The following NFIA variants were observed in gnomAD, a reference collection of about 807,000 sequenced individuals.
The protein encoded by NFIA is nuclear factor 1 A-type.
In NFIA, 8 loss-of-function variants were observed where a neutral mutation model predicts 62.8. The ratio of observed to expected loss-of-function variants is 0.13; its 90% CI spans 0.07 to 0.23. The LOEUF is 0.23. Among genes scored for constraint, NFIA ranks in the 10% least tolerant of loss-of-function variants. NFIA has a pLI of 1.00. For missense variants in NFIA, 410 were observed against 642.1 expected, an observed-to-expected ratio of 0.64 and a Z score of 3.91; for synonymous variants, 235 against 238.1, an observed-to-expected ratio of 0.99 and a Z score of 0.12.
At chr1:61,123,460 C>A (rs545121904) in intron 2 of NFIA, among the ~76,000 whole-genome samples, 2 of 152,182 alleles carry the variant, frequency 1.3e-5, no homozygotes, top group Non-Finnish European at 2.9e-5. Context: ...CAAGTTTGCT[C>A]ATTTTGGCAT....
At chr1:61,120,130 G>GT (rs1359681798) in intron 2 of NFIA, among the ~76,000 whole-genome samples, 2 of 152,130 alleles carry the variant, frequency 1.3e-5, no homozygotes, top group African/African-American at 4.8e-5. Context: ...TTTAAATCTT[G>GT]TGGTGTACAC....
At chr1:61,262,568 T>TA (rs1413685568) in intron 2 of NFIA, among the ~76,000 whole-genome samples, 3 of 152,024 alleles carry the variant, frequency 2.0e-5, no homozygotes, top group African/African-American at 7.3e-5. Flanking sequence ...AGCATGAGTG[T>TA]AGTCAAGACT....
At chr1:61,452,378 GAA>G (rs1668096713) in intron 10 of NFIA, among the ~76,000 whole-genome samples, 1 of 152,080 alleles carries the variant, frequency 6.6e-6, no homozygotes, top group African/African-American at 2.4e-5. Context: ...TCCTGTTCTG[GAA>G]AACCTTGGTC....
At chr1:61,273,606 A>G (rs190867182) in intron 2 of NFIA, among the ~76,000 whole-genome samples, 8 of 152,294 alleles carry the variant, frequency 5.3e-5, no homozygotes, top group Non-Finnish European at 1.0e-4. Context: ...TCGTCTCTTC[A>G]GTTCAGCAGT....
At chr1:61,249,737 G>A (rs962137370) in intron 2 of NFIA, among the ~76,000 whole-genome samples, 4 of 152,122 alleles carry the variant, frequency 2.6e-5, no homozygotes, top group Non-Finnish European at 4.4e-5. Context: ...CCCGGGAGGC[G>A]GAGGTTGCAG....
At chr1:61,374,391 A>G (rs183419822) in intron 6 of NFIA, among the ~76,000 whole-genome samples, 1 of 152,238 alleles carries the variant, frequency 6.6e-6, no homozygotes, top group East Asian at 1.9e-4. Context: ...TTGTAAGTAT[A>G]TGGAGCATGT....
chr1:61,164,704 C>T lies in NFIA; in HGVS notation c.559+76024C>T, dbSNP rs1277880316. Reference sequence around the variant, plus strand: ...CTCAATCTCCTGACCTCATGATCTGCCCACCTCAGCCTCCCAAAGTGCTGG... The same window carrying T: ...CTCAATCTCCTGACCTCATGATCTGTCCACCTCAGCCTCCCAAAGTGCTGG... On this transcript the variant is annotated intron_variant, in intron 2 of 10. Transcript: ENST00000403491. Among the ~76,000 whole-genome samples the T allele has an allele frequency of 2.0e-5, 3 of 152,132 alleles. No homozygotes were observed. The East Asian group carries it at 5.8e-4, about 29-fold the overall frequency.
At chr1:61,169,356 C>T (rs1235212089) in intron 2 of NFIA, among the ~76,000 whole-genome samples, 1 of 152,164 alleles carries the variant, frequency 6.6e-6, no homozygotes, top group Non-Finnish European at 1.5e-5. Context: ...CAGGACACTT[C>T]TCACCCTGCA....
At chr1:61,184,693 G>T (rs766442436) in intron 2 of NFIA, among the ~76,000 whole-genome samples, 2 of 152,198 alleles carry the variant, frequency 1.3e-5, no homozygotes, top group Non-Finnish European at 2.9e-5. Context: ...ATTATTGTGT[G>T]ATAGGAGCCG....
intron 10 of NFIA, among the ~76,000 whole-genome samples, chr1:61,449,599 A>G (rs1019796052): frequency 6.6e-6 from 1 of 152,166 alleles, no homozygotes; most frequent in Non-Finnish European, 1.5e-5. Flanking sequence ...GGGAGAAAGC[A>G]TTTGGCTTTG....
intron 2 of NFIA, among the ~76,000 whole-genome samples, chr1:61,108,162 A>G (rs1646636604): frequency 6.6e-6 from 1 of 151,660 alleles, no homozygotes; most frequent in African/African-American, 2.4e-5. Context: ...TTACTTTGTC[A>G]AGTTTTGTGA....
At chr1:61,396,328 C>A (rs761325416) in intron 7 of NFIA, among the ~76,000 whole-genome samples, 2 of 152,136 alleles carry the variant, frequency 1.3e-5, no homozygotes, top group Non-Finnish European at 2.9e-5. Flanking sequence ...TCACTGCAGC[C>A]TCAAACTCCT....
chr1:61,387,721 G>A lies in NFIA; in HGVS notation c.1075+4356G>A, dbSNP rs1250663920. The stretch of plus-strand genomic sequence containing the variant: ...CTATCTTTGTTGTGCCTCACACAGT[G>A]GGTTTTATGCTCAAATATTGGTTGA... On this transcript the variant is annotated intron_variant, in intron 7 of 10. Transcript: ENST00000403491. Among the ~76,000 whole-genome samples the A allele has an allele frequency of 3.3e-5, 5 of 152,214 alleles. No individual in the cohort carries two copies. In the East Asian group the frequency reaches 9.7e-4, roughly 29 times the overall value.
Position 61,359,215 on chromosome 1 carries a change from G to A in NFIA, c.887G>A (p.Gly296Asp), listed in dbSNP as rs1316302952. The change falls in exon 6 of 11, where the codon GGC becomes GAC. Residue 296 changes from glycine (G) to aspartate (D), a missense_variant. Gly to Asp is a moderately conservative substitution (Grantham distance 94, BLOSUM62 -1). This residue lies in a region of NFIA where 298 missense variants were observed against 438.1 expected (regional missense o/e 0.68). Transcript: ENST00000403491. ...DSPGEEPFYT[G>D]QGRSPGSGSQ... ...CCTGGTGAGGAGCCATTTTATACAG[G>A]CCAAGGGCGCTCCCCAGGAAGTGGC... 1 of 1,612,916 alleles carries A rather than the reference G, an allele frequency of 6.2e-7. No individual in the cohort carries two copies. The highest frequency in any genetic ancestry group is 1.3e-5 in the African/African-American group (1 of 74,896).
intron 2 of NFIA, among the ~76,000 whole-genome samples, chr1:61,147,734 G>A (rs1648113329): frequency 1.3e-5 from 2 of 151,862 alleles, no homozygotes; most frequent in Admixed American, 6.6e-5. Context: ...TCACCTAGTA[G>A]TGCTTAATGA....
intron 3 of NFIA, among the ~76,000 whole-genome samples, chr1:61,292,839 T>C (rs1316496492): frequency 6.6e-6 from 1 of 152,210 alleles, no homozygotes; most frequent in Non-Finnish European, 1.5e-5. Context: ...TGTGCATTTC[T>C]GGGGATGCTT....
At chr1:61,442,494 A>T (rs1667629326) in intron 10 of NFIA, among the ~76,000 whole-genome samples, 1 of 152,182 alleles carries the variant, frequency 6.6e-6, no homozygotes, top group Admixed American at 6.5e-5. Context: ...TGAATAAATT[A>T]AATCCTCAGG....
At chr1:61,209,867 A>G (rs755994523) in intron 2 of NFIA, among the ~76,000 whole-genome samples, 7 of 152,176 alleles carry the variant, frequency 4.6e-5, no homozygotes, top group Admixed American at 6.5e-5. Flanking sequence ...AAAAAATTAA[A>G]AAGTAATATG....
At chr1:61,201,560 G>T (rs1652496670) in intron 2 of NFIA, among the ~76,000 whole-genome samples, 1 of 151,892 alleles carries the variant, frequency 6.6e-6, no homozygotes, top group Admixed American at 6.6e-5. Context: ...GAAGGAGGAA[G>T]GGGTGGGGGC....
Sources: allele counts gnomAD v4.1 joint callset (sites outside exome capture counted in the v4.1 genomes callset), GRCh38; gene constraint gnomAD v4.1.1; regional missense constraint gnomAD v4.1.1; transcripts MANE v1.5; gene names NCBI Gene and HGNC (gene_info 2026-07-23, HGNC 2026-07-21).